The following DCDC1 variants were observed in gnomAD, a reference collection of about 807,000 sequenced individuals.
DCDC1 encodes the protein doublecortin domain containing 1, also known as doublecortin domain-containing protein 1.
In DCDC1, 200 loss-of-function variants were observed where a neutral mutation model predicts 178.3. That is an observed-to-expected ratio of 1.12 (90% CI 1.00 to 1.26). The LOEUF (loss-of-function observed/expected upper bound fraction) is 1.26. DCDC1 is among the 50% of genes most tolerant of loss of function. The probability of loss-of-function intolerance (pLI) is 0.00; values close to 1 mark genes in which losing one functional copy is unlikely to be tolerated. For missense variants in DCDC1, 1,983 were observed against 1,749.2 expected (o/e 1.13, Z -2.38); for synonymous variants, 690 against 604.8 (o/e 1.14, Z -2.07).
At chr11:30,891,404 G>T (rs1943760503) in intron 36 of DCDC1, among the ~76,000 whole-genome samples, 1 of 152,118 alleles carries the variant, frequency 6.6e-6, no homozygotes, top group Admixed American at 6.6e-5. Flanking sequence ...ATAGATATAA[G>T]TATTCTTCAT....
chr11:31,341,044 A>G (rs932139331), intron 1 of DCDC1, among the ~76,000 whole-genome samples: 3 of 152,138 alleles, frequency 2.0e-5, no homozygotes, highest in African/African-American at 7.2e-5. Context: ...CCAACATGAA[A>G]GCCTCCCGTG....
chr11:31,352,880 T>G (rs1951144991), intron 1 of DCDC1, among the ~76,000 whole-genome samples: 1 of 152,220 alleles, frequency 6.6e-6, no homozygotes. Flanking sequence ...TAGATCAGGT[T>G]TAACTCAGAT....
intron 14 of DCDC1, 107 bp from the exon 15 acceptor site, chr11:31,102,389 A>G (rs535164069): frequency 2.2e-6 from 1 of 463,820 alleles, no homozygotes; most frequent in Admixed American, 3.3e-5. Context: ...TGTATACTCC[A>G]TTACTAATAA....
chr11:30,866,407 A>G (rs117129406), intron 38 of DCDC1, among the ~76,000 whole-genome samples: 281 of 152,244 alleles, frequency 1.8e-3, no homozygotes, highest in Admixed American at 3.6e-3. Flanking sequence ...GTGTCCCCAC[A>G]TAGTGGAAGA....
chr11:30,883,336 A>G (rs1407153321), intron 36 of DCDC1: 1 of 215,908 alleles, frequency 4.6e-6, no homozygotes, highest in Admixed American at 6.1e-5. Flanking sequence ...GAAAAGAGAC[A>G]AAGTGTATGA....
chr11:31,107,266 A>G (rs1323825397), intron 12 of DCDC1, among the ~76,000 whole-genome samples: 1 of 152,136 alleles, frequency 6.6e-6, no homozygotes, highest in Non-Finnish European at 1.5e-5. Context: ...GCTTCTACAC[A>G]TGGTAACGGT....
rs138570549 is a variant in DCDC1, at chr11:30,916,912, T to C, written c.3410A>G (p.Glu1137Gly). The C allele has an allele frequency of 1.0e-3, 1,650 of 1,609,378 alleles. 3 individuals are homozygous for C. The highest frequency in any genetic ancestry group is 1.3e-3 in the Non-Finnish European group (1,569 of 1,178,080). ...TTCCACATTTTCAAAGAGCCCTTTT[T>C]CCGTTTTCTTTGGAAGACTGTCATC... ...DEDDSLPKKT[E>G]KGLFENVEPQ... Residue 1137 changes from glutamate to glycine, a missense_variant, in exon 26 of 39, where the codon GAA becomes GGA. Coordinates refer to ENST00000684477, the MANE Select transcript of DCDC1 (RefSeq NM_001387274.1).
At chr11:30,933,925 C>A (rs890980203) in intron 21 of DCDC1, among the ~76,000 whole-genome samples, 1 of 152,158 alleles carries the variant, frequency 6.6e-6, no homozygotes, top group Non-Finnish European at 1.5e-5. Flanking sequence ...TGTGATGGTG[C>A]CATCTGGGGC....
intron 20 of DCDC1, among the ~76,000 whole-genome samples, chr11:31,025,714 GT>G (rs934305575): frequency 6.6e-6 from 1 of 151,710 alleles, no homozygotes; most frequent in Non-Finnish European, 1.5e-5. Flanking sequence ...TAAAATGTTT[GT>G]TTTTTCAATT....
chr11:30,957,606 A>C lies in DCDC1; in HGVS notation c.2592-5038T>G, dbSNP rs557993986. The stretch of plus-strand genomic sequence containing the variant: ...GTAAGAGAGGTGCAGTGTTGGTCCT[A>C]AGATTGTTGAGCAAGATCATCCTCT... On this transcript the variant is annotated intron_variant, in intron 20 of 38. Coordinates refer to ENST00000684477, the MANE Select transcript of DCDC1 (RefSeq NM_001387274.1). Among the ~76,000 whole-genome samples the C allele has an allele frequency of 3.9e-5, 6 of 152,286 alleles. No individual in the cohort carries two copies. The South Asian group carries it at 1.2e-3, about 32-fold the overall frequency.
rs1335019019 is a variant in DCDC1, at chr11:31,215,493, G to A, written c.1221+25957C>T. Among the ~76,000 whole-genome samples the A allele has an allele frequency of 2.0e-5, 3 of 151,950 alleles. No homozygotes were observed. The South Asian group carries it at 6.2e-4, about 31-fold the overall frequency. The stretch of plus-strand genomic sequence containing the variant: ...CTTAAAACTTGTCAGCTACTTCTCT[G>A]CCTAAAAATGGAGGCAGCAGGCCTG... On this transcript the variant is annotated intron_variant, in intron 9 of 38. Coordinates refer to ENST00000684477, the MANE Select transcript of DCDC1 (RefSeq NM_001387274.1).
At chr11:31,216,997 G>C (rs567348003) in intron 9 of DCDC1, among the ~76,000 whole-genome samples, 2 of 152,240 alleles carry the variant, frequency 1.3e-5, no homozygotes, top group South Asian at 4.1e-4. Context: ...AATTAACATA[G>C]ATTGTATTTC....
intron 9 of DCDC1, among the ~76,000 whole-genome samples, chr11:31,202,825 C>G (rs1160061487): frequency 1.3e-5 from 2 of 151,964 alleles, no homozygotes; most frequent in African/African-American, 4.8e-5. Flanking sequence ...AAGGCATTTC[C>G]CAGGAAAAGA....
At chr11:30,988,990 C>T (rs1438058466) in intron 20 of DCDC1, among the ~76,000 whole-genome samples, 1 of 152,116 alleles carries the variant, frequency 6.6e-6, no homozygotes, top group African/African-American at 2.4e-5. Flanking sequence ...GAAACTGGAG[C>T]TACAGATTTG....
intron 20 of DCDC1, among the ~76,000 whole-genome samples, chr11:31,052,281 C>T (rs1357162831): frequency 6.6e-6 from 1 of 152,068 alleles, no homozygotes; most frequent in African/African-American, 2.4e-5. Flanking sequence ...TGGTAAAAGG[C>T]CTTCTCCAAC....
intron 1 of DCDC1, among the ~76,000 whole-genome samples, chr11:31,345,515 G>A (rs1950769072): frequency 6.6e-6 from 1 of 151,882 alleles, no homozygotes; most frequent in Non-Finnish European, 1.5e-5. Context: ...TCTTTCATGT[G>A]GGGAGTGTCA....
At chr11:31,359,841 C>T (rs1951617072) in intron 1 of DCDC1, among the ~76,000 whole-genome samples, 1 of 152,076 alleles carries the variant, frequency 6.6e-6, no homozygotes, top group African/African-American at 2.4e-5. Context: ...AATAGAAGAG[C>T]TTTTACATAT....
intron 38 of DCDC1, among the ~76,000 whole-genome samples, chr11:30,868,008 C>A (rs1298585487): frequency 6.6e-6 from 1 of 152,016 alleles, no homozygotes; most frequent in African/African-American, 2.4e-5. Context: ...TAATTAGTGT[C>A]CTGAATACCC....
chr11:31,286,528 C>T (rs1246530577), intron 7 of DCDC1, among the ~76,000 whole-genome samples: 1 of 151,398 alleles, frequency 6.6e-6, no homozygotes, highest in African/African-American at 2.4e-5. Context: ...AATTATGAAT[C>T]AATTATTATT....
Sources: gnomAD v4.1 joint callset for allele counts (sites outside exome capture counted in the v4.1 genomes callset) on GRCh38, gnomAD v4.1.1 for gene constraint, MANE v1.5 for transcripts, NCBI Gene and HGNC (gene_info 2026-07-23, HGNC 2026-07-21) for gene names.